SLC30A8: variants seen among roughly 807,000 people sequenced by gnomAD.
SLC30A8 encodes solute carrier family 30 member 8.
SLC30A8 carries 27 observed loss-of-function variants against 36.9 expected under a neutral mutation model. The observed-to-expected ratio is 0.73, with a 90% CI of 0.54 to 1.01. The LOEUF (loss-of-function observed/expected upper bound fraction) is 1.01. Ranked by LOEUF, SLC30A8 falls within the 50% of genes least tolerant of loss-of-function variation. The probability of loss-of-function intolerance (pLI) is 0.00; values close to 1 mark genes in which losing one functional copy is unlikely to be tolerated. For synonymous variants in SLC30A8, 164 were observed against 172.4 expected (o/e 0.95, Z 0.38); for missense variants, 439 against 452.0 (o/e 0.97, Z 0.26).
chr8:117,077,007 A>G (rs1484261477), intron 2 of SLC30A8, among the ~76,000 whole-genome samples: 1 of 152,190 alleles, frequency 6.6e-6, no homozygotes, highest in Non-Finnish European at 1.5e-5. Flanking sequence ...CTTGGCTGAC[A>G]TAGGTAATTA....
At chr8:117,044,664 G>C (rs1817491821) in intron 2 of SLC30A8, among the ~76,000 whole-genome samples, 2 of 151,116 alleles carry the variant, frequency 1.3e-5, no homozygotes, top group South Asian at 4.2e-4. Context: ...CCACTTAATA[G>C]ACGTCTTGAA....
At position 117,175,984 on chromosome 8, in the gene SLC30A8, T is replaced by C. The variant is rs1303177645; in HGVS notation, c.*3303T>C. The C allele has an allele frequency of 1.3e-5, 2 of 152,092 alleles. No individual in the cohort carries two copies. Among genetic ancestry groups the C allele is most frequent in the African/African-American group, 4.8e-5 (2 of 41,444 alleles). The allele number at this position is 152,092 out of a possible 1,614,324, so 9.4% of individuals were successfully genotyped here. A position where few individuals can be genotyped will look rare whatever the true frequency, so the allele number is the denominator to read the frequency against. On this transcript the variant is annotated 3_prime_UTR_variant, in exon 8 of 8. Transcript: ENST00000456015. ...GAATTGTCACTCCAAGGACATTTAT[T>C]AATAAAAAGAACAACTGTCCAGTGC...
intron 1 of SLC30A8, among the ~76,000 whole-genome samples, chr8:117,031,609 C>T (rs1393500710): frequency 6.6e-6 from 1 of 151,924 alleles, no homozygotes; most frequent in African/African-American, 2.4e-5. Context: ...TACAGGCATG[C>T]ACCACCACAC....
intron 4 of SLC30A8, among the ~76,000 whole-genome samples, chr8:117,159,728 A>G (rs1040140394): frequency 1.3e-5 from 2 of 152,206 alleles, no homozygotes; most frequent in Non-Finnish European, 2.9e-5. Flanking sequence ...TAAGGAGAAC[A>G]ATATGGTCTT....
In SLC30A8 at chr8:116,973,702, T is replaced by C. The variant is rs539242646; in HGVS notation, c.-266+22583T>C. Among the ~76,000 whole-genome samples the C allele has an allele frequency of 9.2e-5, 14 of 152,260 alleles. No individual in the cohort carries two copies. The East Asian group carries it at 2.7e-3, about 29-fold the overall frequency. ...GGAAGAAACTACTTTAAAGTTCATA[T>C]GGAACCAAAAAAGAGCCCACATTGC... On this transcript the variant is annotated intron_variant, in intron 1 of 10. Transcript: ENST00000427715.
chr8:117,011,111 G>A (rs756825795), intron 1 of SLC30A8, among the ~76,000 whole-genome samples: 4 of 152,154 alleles, frequency 2.6e-5, no homozygotes, highest in Non-Finnish European at 5.9e-5. Flanking sequence ...GCTACAGCCC[G>A]AGAGAACGAG....
At position 117,161,853 on chromosome 8, in the gene SLC30A8, A is replaced by T; in HGVS notation, c.688A>T (p.Ser230Cys). 2.5e-6 allele frequency: 4 copies of T among 1,613,954 alleles called. No homozygotes were observed. Among genetic ancestry groups the T allele is most frequent in the Non-Finnish European group, 3.4e-6 (4 of 1,179,864 alleles). The change falls in exon 5 of 8, where the codon AGT (serine) becomes TGT (cysteine). Residue 230 changes from serine to cysteine, a missense_variant. Ser to Cys is a moderately radical substitution (Grantham distance 112). Coordinates refer to ENST00000456015, the MANE Select transcript of SLC30A8 (RefSeq NM_173851.3). ...HALGDLFQSISVLISALIIYF... is the reference protein window; with the variant it reads ...HALGDLFQSICVLISALIIYF... ...CCTTGGAGATCTATTTCAGAGTATC[A>T]GTGTGCTAATTAGTGCACTTATTAT...
At chr8:117,171,586 A>G (rs2464591) in intron 7 of SLC30A8, among the ~76,000 whole-genome samples, 103,989 of 152,064 alleles carry the variant, frequency 0.68, 38,965 homozygotes, top group East Asian at 0.82. Context: ...AAGAGACACC[A>G]GCCCCACTCT....
intron 2 of SLC30A8, among the ~76,000 whole-genome samples, chr8:117,105,301 C>A (rs1380059931): frequency 6.6e-6 from 1 of 152,152 alleles, no homozygotes; most frequent in African/African-American, 2.4e-5. Flanking sequence ...CCTAAAAACT[C>A]TTCCAGCCTC....
At chr8:117,141,671 G>T (rs776334978) in intron 1 of SLC30A8, among the ~76,000 whole-genome samples, 1 of 152,118 alleles carries the variant, frequency 6.6e-6, no homozygotes, top group Admixed American at 6.5e-5. Context: ...CTGTACCAAT[G>T]TGCAGTCTTT....
chr8:117,091,997 C>A (rs539395749), intron 2 of SLC30A8, among the ~76,000 whole-genome samples: 91 of 152,290 alleles, frequency 6.0e-4, no homozygotes, highest in African/African-American at 2.1e-3. Flanking sequence ...TTCTTACATA[C>A]TTCCCTGTAT....
Position 116,953,488 on chromosome 8 carries a change from TA to T in SLC30A8, c.-266+2371del, listed in dbSNP as rs572949324. Among the ~76,000 whole-genome samples, 12 of 152,374 alleles carry T rather than the reference TA, an allele frequency of 7.9e-5. No homozygotes were observed. The South Asian group carries it at 2.5e-3, about 32-fold the overall frequency. ...AAATTTTCATTTCCTTTGATGTTGATAATTACATTGCTTGTTCTGCTTAGCT... is the reference window on the plus strand; with the variant it reads ...AAATTTTCATTTCCTTTGATGTTGATATTACATTGCTTGTTCTGCTTAGCT... On this transcript the variant is annotated intron_variant, in intron 1 of 10. Transcript: ENST00000427715.
chr8:116,955,247 T>C (rs758386070), intron 1 of SLC30A8, among the ~76,000 whole-genome samples: 2 of 152,168 alleles, frequency 1.3e-5, no homozygotes, highest in Non-Finnish European at 2.9e-5. Flanking sequence ...ATGCAATTAA[T>C]TAAGATAAGG....
chr8:117,067,332 C>T (rs1291436927), intron 2 of SLC30A8, among the ~76,000 whole-genome samples: 2 of 151,304 alleles, frequency 1.3e-5, no homozygotes, highest in Non-Finnish European at 2.9e-5. Context: ...ATGCTTGAGC[C>T]ACTTGGAGGG....
At chr8:117,170,543 A>G (rs73702980) in intron 6 of SLC30A8, among the ~76,000 whole-genome samples, 12,851 of 152,208 alleles carry the variant, frequency 0.084, 1,053 homozygotes, top group African/African-American at 0.21. Flanking sequence ...TAATGATTAG[A>G]TATTTTCTGA....
intron 1 of SLC30A8, among the ~76,000 whole-genome samples, chr8:116,954,662 A>C (rs1814126361): frequency 6.6e-6 from 1 of 152,260 alleles, no homozygotes; most frequent in Non-Finnish European, 1.5e-5. Flanking sequence ...GGAGATGCGA[A>C]AATGAAAACA....
At chr8:116,969,309 T>C (rs1362731853) in intron 1 of SLC30A8, among the ~76,000 whole-genome samples, 4 of 152,072 alleles carry the variant, frequency 2.6e-5, no homozygotes, top group African/African-American at 7.2e-5. Flanking sequence ...TCCCAGCTAT[T>C]CGGGAGGCTG....
chr8:117,116,443 C>T (rs1820452019), intron 2 of SLC30A8, among the ~76,000 whole-genome samples: 1 of 152,048 alleles, frequency 6.6e-6, no homozygotes, highest in Admixed American at 6.6e-5. Context: ...TTGTGTGACT[C>T]CTGTTCATAA....
At chr8:117,078,516 T>C (rs1180281481) in intron 2 of SLC30A8, among the ~76,000 whole-genome samples, 1 of 152,168 alleles carries the variant, frequency 6.6e-6, no homozygotes, top group African/African-American at 2.4e-5. Flanking sequence ...TGCATGTAGC[T>C]ACTTTCTAGA....
Sources: gnomAD v4.1 joint callset for allele counts (sites outside exome capture counted in the v4.1 genomes callset) on GRCh38, gnomAD v4.1.1 for gene constraint, MANE v1.5 for transcripts, NCBI Gene and HGNC (gene_info 2026-07-23, HGNC 2026-07-21) for gene names.